ARSG: variants seen among roughly 807,000 people sequenced by gnomAD.
The protein encoded by ARSG is ASG.
In ARSG, 37 loss-of-function variants were observed where a neutral mutation model predicts 50.5. The ratio of observed to expected loss-of-function variants is 0.73; its 90% CI spans 0.56 to 0.96. ARSG has a LOEUF of 0.96. ARSG is among the 50% of genes least tolerant of loss of function. The probability of loss-of-function intolerance (pLI) is 0.00; values close to 1 mark genes in which losing one functional copy is unlikely to be tolerated. For synonymous variants in ARSG, 225 were observed against 254.6 expected (o/e 0.88, Z 1.11); for missense variants, 629 against 675.3 (o/e 0.93, Z 0.76).
chr17:68,311,800 C>CATTTTT (rs2076865497), intron 2 of ARSG, among the ~76,000 whole-genome samples: 1 of 116,388 alleles, frequency 8.6e-6, no homozygotes, highest in Non-Finnish European at 1.7e-5. Flanking sequence ...CTGTACTGTA[C>CATTTTT]TTTTTTTTTT....
At chr17:68,312,261 G>A (rs1259018916) in intron 2 of ARSG, among the ~76,000 whole-genome samples, 1 of 152,120 alleles carries the variant, frequency 6.6e-6, no homozygotes, top group African/African-American at 2.4e-5. Flanking sequence ...GGTACGTAGT[G>A]GGCAATTAAT....
chr17:68,278,056 T>G (rs1195266185), intron 1 of ARSG: 4 of 1,507,626 alleles, frequency 2.7e-6, no homozygotes, highest in Non-Finnish European at 3.7e-6. Flanking sequence ...GGCCCTATAC[T>G]TACGTCATGG....
chr17:68,354,062 AT>A (rs1299607804), intron 5 of ARSG, among the ~76,000 whole-genome samples: 26 of 99,734 alleles, frequency 2.6e-4, no homozygotes, highest in African/African-American at 8.3e-4. Flanking sequence ...TTCCTTCTGT[AT>A]TTTTTTATTT....
chr17:68,274,008 G>C (rs782558948), intron 1 of ARSG: 2 of 1,613,960 alleles, frequency 1.2e-6, no homozygotes, highest in Non-Finnish European at 1.7e-6. Flanking sequence ...CTGACAAGTA[G>C]CCCCCCCAAC....
At chr17:68,332,247 TCTC>T (rs1373911880) in intron 2 of ARSG, among the ~76,000 whole-genome samples, 1 of 152,206 alleles carries the variant, frequency 6.6e-6, no homozygotes, top group Non-Finnish European at 1.5e-5. Flanking sequence ...CAGCGATATT[TCTC>T]CTATTTGCTT....
chr17:68,298,858 G>A (rs1186333943), intron 1 of ARSG, among the ~76,000 whole-genome samples: 1 of 151,914 alleles, frequency 6.6e-6, no homozygotes, highest in East Asian at 1.9e-4. Context: ...CCTCATCTAA[G>A]CCTTATCACC....
At chr17:68,291,789 C>G (rs1325290034) in intron 1 of ARSG, among the ~76,000 whole-genome samples, 1 of 151,652 alleles carries the variant, frequency 6.6e-6, no homozygotes, top group Non-Finnish European at 1.5e-5. Context: ...GCGCGGGTCC[C>G]CGTCCCCACC....
chr17:68,306,249 G>A (rs990835445), intron 1 of ARSG, among the ~76,000 whole-genome samples: 3 of 151,982 alleles, frequency 2.0e-5, no homozygotes, highest in Non-Finnish European at 2.9e-5. Context: ...TGATCCGCCC[G>A]CCTTGACCTC....
At chr17:68,347,193 T>G in intron 4 of ARSG, 21 bp downstream of exon 4, 1 of 1,611,886 alleles carries the variant, frequency 6.2e-7, no homozygotes, top group Non-Finnish European at 8.5e-7. Context: ...TTTTGGGGAT[T>G]TGTTACCTGG....
At chr17:68,362,050 T>C (rs886563497) in intron 6 of ARSG, among the ~76,000 whole-genome samples, 1 of 152,198 alleles carries the variant, frequency 6.6e-6, no homozygotes, top group Non-Finnish European at 1.5e-5. Context: ...CCTAGCAGGC[T>C]AAGACACAGG....
chr17:68,272,548 A>G (rs1465988239), intron 1 of ARSG: 1 of 1,452,122 alleles, frequency 6.9e-7, no homozygotes, highest in Middle Eastern at 2.3e-4. Flanking sequence ...ACTGAAAGTC[A>G]TCCATACTGT....
Position 68,329,812 on chromosome 17 carries a change from T to A in ARSG, c.219-13792T>A, listed in dbSNP as rs369272279. On this transcript the variant is annotated intron_variant, in intron 2 of 11. Transcript: ENST00000621439. ...CTAACATTAACGATAACTGATAAGC[T>A]AAAAAAAATCACAAAAAAATCAATG... Among the ~76,000 whole-genome samples the A allele has an allele frequency of 3.3e-5, 5 of 152,138 alleles. No homozygotes were observed. In the East Asian group the frequency reaches 5.8e-4, roughly 18 times the overall value.
chr17:68,359,168 G>GACAACA (rs537819429), intron 6 of ARSG, among the ~76,000 whole-genome samples: 1 of 151,322 alleles, frequency 6.6e-6, no homozygotes, highest in Non-Finnish European at 1.5e-5. Context: ...ATCTCAAAAC[G>GACAACA]ACAACAACAA....
chr17:68,444,575 G>A, the ARSG span: 3 of 1,613,536 alleles, frequency 1.9e-6, no homozygotes. Flanking sequence ...ACTCTTCTAG[G>A]CAAACCAGCA....
At chr17:68,309,297 A>G (rs1000816780) in intron 2 of ARSG, among the ~76,000 whole-genome samples, 23 of 152,266 alleles carry the variant, frequency 1.5e-4, no homozygotes, top group South Asian at 6.2e-4. Flanking sequence ...CTCTCCCTCC[A>G]CACCTCCCTG....
chr17:68,339,947 G>A, intron 2 of ARSG, among the ~76,000 whole-genome samples: 1 of 152,154 alleles, frequency 6.6e-6, no homozygotes, highest in Admixed American at 6.5e-5. Flanking sequence ...TATTAGCTGG[G>A]GGATGGGTTG....
chr17:68,354,967 G>A (rs910636779), intron 5 of ARSG, among the ~76,000 whole-genome samples: 2 of 152,186 alleles, frequency 1.3e-5, no homozygotes, highest in Non-Finnish European at 2.9e-5. Context: ...ATGTAGGTGT[G>A]ATGGCAAGTT....
chr17:68,343,496 C>A, intron 2 of ARSG, 108 bp from the exon 3 acceptor site: 1 of 1,135,050 alleles, frequency 8.8e-7, no homozygotes, highest in Non-Finnish European at 1.2e-6. Flanking sequence ...ACTGGGTGAT[C>A]TTTGATCTTT....
chr17:68,329,159 C>G (rs879331404), intron 2 of ARSG, among the ~76,000 whole-genome samples: 1 of 152,170 alleles, frequency 6.6e-6, no homozygotes, highest in Non-Finnish European at 1.5e-5. Flanking sequence ...GAGGGGCCAG[C>G]CATGTGGAGA....
Sources: allele counts gnomAD v4.1 joint callset (sites outside exome capture counted in the v4.1 genomes callset), GRCh38; gene constraint gnomAD v4.1.1; transcripts MANE v1.5; gene names NCBI Gene and HGNC (gene_info 2026-07-23, HGNC 2026-07-21).